Variants in LYPD6B observed in about 807,000 individuals in gnomAD.
The protein encoded by LYPD6B is LY6/PLAUR domain containing 6B, also known as ly6/PLAUR domain-containing protein 6B.
Under a neutral mutation model 22.8 loss-of-function variants are expected in LYPD6B, and 17 were observed. The ratio of observed to expected loss-of-function variants is 0.75; its 90% CI spans 0.51 to 1.12. LYPD6B has a LOEUF of 1.12. Ranked by LOEUF, LYPD6B falls within the 50% of genes most tolerant of loss-of-function variation. LYPD6B has a pLI of 0.00. For missense variants in LYPD6B, 221 were observed against 258.3 expected (o/e 0.86, Z 0.99); for synonymous variants, 106 against 91.6 (o/e 1.16, Z -0.90).
Position 149,118,093 on chromosome 2 carries a change from A to G in LYPD6B, c.-66-12790A>G, listed in dbSNP as rs995487358. The G allele has an allele frequency of 1.8e-4, 27 of 152,336 alleles. 1 individual carries two copies. Among genetic ancestry groups the G allele is most frequent in the East Asian group, 5.8e-4 (3 of 5,188 alleles). The allele number at this position is 152,336 out of a possible 1,614,324, so 9.4% of individuals were successfully genotyped here. A position where few individuals can be genotyped will look rare whatever the true frequency, so the allele number is the denominator to read the frequency against. On this transcript the variant is annotated intron_variant, in intron 1 of 6. Transcript: ENST00000409642. Reference sequence around the variant, plus strand: ...CCAAGAGACCAAGACAGAAACTCCAATGTCTTTTATGACAGCCTCAAAGTT... The same window carrying G: ...CCAAGAGACCAAGACAGAAACTCCAGTGTCTTTTATGACAGCCTCAAAGTT...
chr2:149,183,234 G>A (rs2106003700), intron 3 of LYPD6B, among the ~76,000 whole-genome samples: 1 of 152,282 alleles, frequency 6.6e-6, no homozygotes, highest in East Asian at 1.9e-4. Flanking sequence ...AACCAGAAAT[G>A]GAGATAGAAG....
intron 1 of LYPD6B, among the ~76,000 whole-genome samples, chr2:149,053,165 C>T (rs190469007): frequency 4.6e-5 from 7 of 152,088 alleles, no homozygotes; most frequent in Non-Finnish European, 1.0e-4. Flanking sequence ...ACCTTTCATT[C>T]GTACATACAT....
At chr2:149,040,752 A>G (rs1005040625) in intron 1 of LYPD6B, among the ~76,000 whole-genome samples, 3 of 152,214 alleles carry the variant, frequency 2.0e-5, no homozygotes, top group African/African-American at 7.2e-5. Context: ...CAGCGCCTAA[A>G]GGTAGTCTGC....
intron 3 of LYPD6B, among the ~76,000 whole-genome samples, chr2:149,184,802 GT>G (rs1389860727): frequency 6.6e-6 from 1 of 152,186 alleles, no homozygotes; most frequent in Non-Finnish European, 1.5e-5. Context: ...GCTGTCAGGT[GT>G]GTATGGAGTG....
At chr2:149,169,191 G>T (rs1188263960) in intron 3 of LYPD6B, among the ~76,000 whole-genome samples, 4 of 152,198 alleles carry the variant, frequency 2.6e-5, no homozygotes, top group Non-Finnish European at 1.5e-5. Context: ...CTAGGTGAGA[G>T]ACCTAGCTGT....
intron 1 of LYPD6B, among the ~76,000 whole-genome samples, chr2:149,116,978 T>G (rs146486954): frequency 6.6e-6 from 1 of 152,210 alleles, no homozygotes; most frequent in East Asian, 1.9e-4. Flanking sequence ...ATCCCCGTCT[T>G]CCTAATATCT....
intron 3 of LYPD6B, among the ~76,000 whole-genome samples, chr2:149,174,025 C>T (rs1691064378): frequency 6.6e-6 from 1 of 152,170 alleles, no homozygotes; most frequent in African/African-American, 2.4e-5. Flanking sequence ...CTTTCCATGA[C>T]CATGGAATGT....
At chr2:149,064,666 C>T (rs13031038) in intron 1 of LYPD6B, among the ~76,000 whole-genome samples, 26,706 of 152,144 alleles carry the variant, frequency 0.18, 2,538 homozygotes, top group East Asian at 0.38. Context: ...GAACCGGCAG[C>T]TCCAGAATTC....
intron 1 of LYPD6B, among the ~76,000 whole-genome samples, chr2:149,096,308 AG>A (rs1685902402): frequency 6.6e-6 from 1 of 152,210 alleles, no homozygotes; most frequent in East Asian, 1.9e-4. Context: ...AAAAATGGGC[AG>A]TAGGATGTCA....
chr2:149,209,603 T>C (rs909608595), intron 5 of LYPD6B, among the ~76,000 whole-genome samples: 1 of 152,176 alleles, frequency 6.6e-6, no homozygotes, highest in Non-Finnish European at 1.5e-5. Flanking sequence ...ACCACATTAT[T>C]TATAGCAGTG....
chr2:149,046,106 C>T (rs989622402), intron 1 of LYPD6B, among the ~76,000 whole-genome samples: 25 of 152,140 alleles, frequency 1.6e-4, no homozygotes, highest in African/African-American at 5.3e-4. Context: ...GTGATGTCCT[C>T]TTGGAGAACA....
intron 2 of LYPD6B, 85 bp downstream of exon 2, chr2:149,131,038 CA>C: frequency 1.1e-6 from 1 of 885,016 alleles, no homozygotes; most frequent in Admixed American, 1.8e-5. Flanking sequence ...TCATGCTTCG[CA>C]AAAATATATT....
chr2:149,093,246 T>A (rs113477133), intron 1 of LYPD6B, among the ~76,000 whole-genome samples: 6,652 of 151,872 alleles, frequency 0.044, 340 homozygotes, highest in African/African-American at 0.13. Flanking sequence ...TGGGGATGTG[T>A]CGCATTGGTG....
At chr2:149,193,741 G>A (rs1206755521) in intron 3 of LYPD6B, among the ~76,000 whole-genome samples, 1 of 152,100 alleles carries the variant, frequency 6.6e-6, no homozygotes, top group Non-Finnish European at 1.5e-5. Context: ...TAGGAATCTA[G>A]TGTTGTTTCT....
intron 3 of LYPD6B, among the ~76,000 whole-genome samples, chr2:149,176,969 C>T (rs1254882706): frequency 6.6e-6 from 1 of 152,240 alleles, no homozygotes; most frequent in Non-Finnish European, 1.5e-5. Flanking sequence ...TAAACATCCT[C>T]ACTTTGAAAT....
At chr2:149,112,803 C>T (rs1457737458) in intron 1 of LYPD6B, among the ~76,000 whole-genome samples, 2 of 152,114 alleles carry the variant, frequency 1.3e-5, no homozygotes, top group Non-Finnish European at 2.9e-5. Flanking sequence ...CGAACTGGGA[C>T]AACTGTTGCT....
At chr2:149,151,080 TTTG>T (rs2105826902) in intron 2 of LYPD6B, among the ~76,000 whole-genome samples, 1 of 152,254 alleles carries the variant, frequency 6.6e-6, no homozygotes, top group East Asian at 1.9e-4. Context: ...CAATGTATTG[TTTG>T]TTATTTTTGG....
intron 1 of LYPD6B, among the ~76,000 whole-genome samples, chr2:149,128,681 C>T (rs1687844702): frequency 6.6e-6 from 1 of 152,152 alleles, no homozygotes; most frequent in Admixed American, 6.5e-5. Context: ...TAAATTTTAT[C>T]TCTCAAAAAA....
chr2:149,189,342 T>TTATATATATATATATA (rs770703554), intron 3 of LYPD6B, among the ~76,000 whole-genome samples: 2,247 of 64,600 alleles, frequency 0.035, 113 homozygotes, highest in Middle Eastern at 0.056. Flanking sequence ...TTGTCCAAAA[T>TTATATATATATATATA]TATATATATA....
Sources: allele counts gnomAD v4.1 joint callset (sites outside exome capture counted in the v4.1 genomes callset), GRCh38; gene constraint gnomAD v4.1.1; transcripts MANE v1.5; gene names NCBI Gene and HGNC (gene_info 2026-07-23, HGNC 2026-07-21).